MLC1: variants seen among roughly 807,000 people sequenced by gnomAD.
MLC1 encodes modulator of VRAC current 1, also known as membrane protein MLC1.
In MLC1, 32 loss-of-function variants were observed where a neutral mutation model predicts 44.7. The ratio of observed to expected loss-of-function variants is 0.72; its 90% CI spans 0.54 to 0.96. The LOEUF is 0.96. MLC1 is among the 40% of genes least tolerant of loss of function. The probability of loss-of-function intolerance (pLI) is 0.00; values close to 1 mark genes in which losing one functional copy is unlikely to be tolerated. For missense variants in MLC1, 459 were observed against 492.2 expected, an observed-to-expected ratio of 0.93 and a Z score of 0.64; for synonymous variants, 190 against 213.0, an observed-to-expected ratio of 0.89 and a Z score of 0.94.
chr22:50,082,933 G>A, intron 3 of MLC1, 151 bp downstream of exon 3: 2 of 807,606 alleles, frequency 2.5e-6, no homozygotes, highest in Non-Finnish European at 4.2e-6. Flanking sequence ...TCAAAGTGCT[G>A]GCATGACAGC....
intron 6 of MLC1, 75 bp from the exon 7 acceptor site, chr22:50,076,987 G>A (rs572152438): frequency 2.0e-5 from 31 of 1,512,552 alleles, no homozygotes; most frequent in Middle Eastern, 1.8e-4. Context: ...TCCGGCCGCC[G>A]TGGGCAGTGG....
chr22:50,077,582 A>C, intron 5 of MLC1, 80 bp from the exon 6 acceptor site: 9 of 1,178,978 alleles, frequency 7.6e-6, no homozygotes, highest in Admixed American at 1.8e-5. Flanking sequence ...GGACCACCTC[A>C]CGGGCAGGCT....
intron 7 of MLC1, chr22:50,074,586 C>A: frequency 2.0e-6 from 1 of 503,824 alleles, no homozygotes; most frequent in Non-Finnish European, 3.6e-6. Context: ...TGCTTTTGTC[C>A]ACAGAAACTG....
In MLC1 at chr22:50,066,957, G is replaced by A. The variant is rs1210817857; in HGVS notation, c.894+1476C>T. 2.0e-5 allele frequency among the ~76,000 whole-genome samples: 3 copies of A among 152,172 alleles called. No homozygotes were observed. The East Asian group carries it at 5.8e-4, about 29-fold the overall frequency. ...CCCAGAGGATAACCCCACACAGAAA[G>A]GGGCCGACTTCGATGGCGTGTGGCC... On this transcript the variant is annotated intron_variant, in intron 10 of 11. Coordinates refer to ENST00000311597, the MANE Select transcript of MLC1 (RefSeq NM_015166.4).
At position 50,068,518 on chromosome 22, in the gene MLC1, G is replaced by A. The variant is rs74315275; in HGVS notation, c.809C>T (p.Pro270Leu). ...VLIAISSLTS[P>L]LLFTASGYLS... The stretch of plus-strand genomic sequence containing the variant: ...ATATCCAGAGGCTGTGAACAGCAGC[G>A]GAGACGTGAGGCTGCTTATGGCAAT... The change falls in exon 10 of 12, where the codon CCG becomes CTG. Residue 270 changes from proline (P) to leucine (L), a missense_variant. Transcript: ENST00000311597. 2.0e-5 allele frequency: 32 copies of A among 1,613,746 alleles called. No homozygotes were observed. The South Asian group carries it at 2.6e-4, about 13-fold the overall frequency.
Position 50,083,012 on chromosome 22 carries a change from C to T in MLC1, c.267+72G>A. ...GTACAGGTGACAGAAACCTGCACAT[C>T]TCAGAACAAAGAAACCAGAGCACGT... On this transcript the variant is annotated intron_variant, in intron 3 of 11. Transcript: ENST00000311597. The surrounding 1 kb of genome is among the most constrained non-coding windows in gnomAD (Gnocchi z 4.6). The T allele has an allele frequency of 2.1e-6, 3 of 1,461,598 alleles. No individual in the cohort carries two copies. Among genetic ancestry groups the T allele is most frequent in the Non-Finnish European group, 2.9e-6 (3 of 1,043,644 alleles). 90.5% of individuals were successfully genotyped at this position (1,461,598 alleles called of 1,614,324 possible). A position where few individuals can be genotyped will look rare whatever the true frequency, so the allele number is the denominator to read the frequency against.
intron 5 of MLC1, 67 bp from the exon 6 acceptor site, chr22:50,077,569 A>T: frequency 7.7e-7 from 1 of 1,302,586 alleles, no homozygotes; most frequent in Non-Finnish European, 1.1e-6. Flanking sequence ...TTCAGCGTCC[A>T]CCGGACCACC....
At chr22:50,081,848 G>A (rs1184999069) in intron 3 of MLC1, among the ~76,000 whole-genome samples, 5 of 152,248 alleles carry the variant, frequency 3.3e-5, no homozygotes, top group African/African-American at 1.2e-4. Context: ...TCCGGCAGCC[G>A]CTGAGGCTGA....
chr22:50,068,480 T>A lies in MLC1; in HGVS notation c.847A>T (p.Ile283Phe), dbSNP rs774026753. ...TTAAACATCTCCACGATTCTCATGA[T>A]GCTGAATGACAGATATCCAGAGGCT... Reference protein sequence around the residue: ...FTASGYLSFSIMRIVEMFKDY... With the variant: ...FTASGYLSFSFMRIVEMFKDY... Residue 283 changes from isoleucine (I) to phenylalanine (F), a missense_variant, in exon 10 of 12, where the codon ATC becomes TTC. Ile to Phe is a conservative substitution (Grantham distance 21, BLOSUM62 0). Coordinates refer to ENST00000311597, the MANE Select transcript of MLC1 (RefSeq NM_015166.4). The A allele has an allele frequency of 6.2e-7, 1 of 1,613,966 alleles. No homozygotes were observed. The highest frequency in any genetic ancestry group is 1.1e-5 in the South Asian group (1 of 91,084).
intron 3 of MLC1, among the ~76,000 whole-genome samples, chr22:50,081,057 G>GAAAGAAAGAAAGAA (rs1306674913): frequency 4.6e-5 from 7 of 151,426 alleles, no homozygotes; most frequent in Admixed American, 1.3e-4. Flanking sequence ...AAGAAAGAAA[G>GAAAGAAAGAAAGAA]AGGAGGTCTG....
intron 3 of MLC1, among the ~76,000 whole-genome samples, chr22:50,082,634 T>A (rs2062174557): frequency 6.6e-6 from 1 of 152,226 alleles, no homozygotes; most frequent in Non-Finnish European, 1.5e-5. Flanking sequence ...TACGTGAAAC[T>A]AAAGTCATAT....
At chr22:50,077,572 G>C in intron 5 of MLC1, 70 bp from the exon 6 acceptor site, 9 of 1,297,974 alleles carry the variant, frequency 6.9e-6, no homozygotes, top group Non-Finnish European at 8.9e-6. Flanking sequence ...AGCGTCCACC[G>C]GACCACCTCA....
chr22:50,078,666 G>A (rs930493878), intron 5 of MLC1, among the ~76,000 whole-genome samples: 2 of 151,670 alleles, frequency 1.3e-5, no homozygotes, highest in Non-Finnish European at 2.9e-5. Context: ...TTGAACCCGA[G>A]AGGCGGAGGT....
At chr22:50,080,098 C>T (rs2062082435) in intron 4 of MLC1, 79 bp from the exon 5 acceptor site, 1 of 1,216,972 alleles carries the variant, frequency 8.2e-7, no homozygotes, top group East Asian at 2.4e-5. Flanking sequence ...CACTTCAGGC[C>T]ATTCACTAAA....
intron 8 of MLC1, among the ~76,000 whole-genome samples, chr22:50,073,727 C>A (rs1307108051): frequency 6.6e-6 from 1 of 151,996 alleles, no homozygotes; most frequent in East Asian, 1.9e-4. Context: ...CAGAGTGAGA[C>A]TCCATCTCAA....
chr22:50,068,620 G>A, intron 9 of MLC1, 65 bp from the exon 10 acceptor site: 3 of 882,214 alleles, frequency 3.4e-6, no homozygotes, highest in South Asian at 1.3e-5. Flanking sequence ...AGCGGGCGTG[G>A]CCAGGGCTGG....
chr22:50,080,727 G>A (rs1451332500), intron 3 of MLC1, among the ~76,000 whole-genome samples: 1 of 152,154 alleles, frequency 6.6e-6, no homozygotes. Flanking sequence ...AATTTATTCT[G>A]AAAGAAGTTT....
rs11568183 is a variant in MLC1, at chr22:50,064,337, C to T, written c.895-139G>A. The T allele has an allele frequency of 0.27, 246,863 of 923,556 alleles. 34,391 individuals are homozygous for T. Among genetic ancestry groups the T allele is most frequent in the South Asian group, 0.34 (23,454 of 68,254 alleles). 57.2% of individuals were successfully genotyped at this position (923,556 alleles called of 1,614,324 possible). A position where few individuals can be genotyped will look rare whatever the true frequency, so the allele number is the denominator to read the frequency against. On this transcript the variant is annotated intron_variant, in intron 10 of 11. Coordinates refer to ENST00000311597, the MANE Select transcript of MLC1 (RefSeq NM_015166.4). ...GAGCCCCAGTAACCCAAACGCATTG[C>T]TATTTCAACAACCTGATGATAATCA...
At chr22:50,085,006 CA>C (rs2062246727) in intron 1 of MLC1, 45 bp from the exon 2 acceptor site, 1 of 1,537,378 alleles carries the variant, frequency 6.5e-7, no homozygotes, top group Middle Eastern at 2.0e-4. Context: ...GAGGAAACTT[CA>C]ATAAGTTGTT....
Sources: gnomAD v4.1 joint callset for allele counts (sites outside exome capture counted in the v4.1 genomes callset) on GRCh38, gnomAD v4.1.1 for gene constraint, Gnocchi (gnomAD v3.1) non-coding constraint, MANE v1.5 for transcripts, NCBI Gene and HGNC (gene_info 2026-07-23, HGNC 2026-07-21) for gene names.